The following SDK1 variants were observed in gnomAD, a reference collection of about 807,000 sequenced individuals.
SDK1 encodes sidekick cell adhesion molecule 1.
A neutral mutation model predicts 245.5 loss-of-function variants in SDK1; 157 were observed. The observed-to-expected ratio is 0.64, with a 90% CI of 0.56 to 0.73. The LOEUF (loss-of-function observed/expected upper bound fraction) is 0.73, where lower values mean the gene tolerates loss of function less well. Ranked by LOEUF, SDK1 falls within the 30% of genes least tolerant of loss-of-function variation. The pLI is 0.00. For synonymous variants in SDK1, 1,647 were observed against 1,278.5 expected, an observed-to-expected ratio of 1.29 and a Z score of -6.15; for missense variants, 3,583 against 3,002.3, an observed-to-expected ratio of 1.19 and a Z score of -4.52.
At chr7:4,084,745 G>A (rs924672116) in intron 22 of SDK1, among the ~76,000 whole-genome samples, 3 of 144,852 alleles carry the variant, frequency 2.1e-5, no homozygotes, top group Non-Finnish European at 4.6e-5. Flanking sequence ...TTACTTAAAT[G>A]TATATTTTAT....
intron 35 of SDK1, among the ~76,000 whole-genome samples, chr7:4,195,243 A>G (rs756155606): frequency 2.6e-5 from 4 of 152,204 alleles, no homozygotes; most frequent in Admixed American, 1.3e-4. Context: ...AGCAACTCTG[A>G]AATGGTGCAC....
Position 3,394,891 on chromosome 7 carries a change from A to G in SDK1, c.298+93007A>G, listed in dbSNP as rs185548265. 4.6e-5 allele frequency among the ~76,000 whole-genome samples: 7 copies of G among 152,108 alleles called. No individual in the cohort carries two copies. The East Asian group carries it at 1.4e-3, about 29-fold the overall frequency. On this transcript the variant is annotated intron_variant, in intron 1 of 44. Transcript: ENST00000404826. ...GATGTGCTTTTTAAAAATTAGTTCT[A>G]ATAGTTTTTTTGTGGACTCTTTGGG...
chr7:3,649,227 G>T (rs1157884625), intron 4 of SDK1, among the ~76,000 whole-genome samples: 1 of 152,158 alleles, frequency 6.6e-6, no homozygotes, highest in African/African-American at 2.4e-5. Flanking sequence ...GCTGGAGGGG[G>T]TTGAATTGAG....
intron 5 of SDK1, among the ~76,000 whole-genome samples, chr7:3,866,129 C>T (rs1780815763): frequency 6.6e-6 from 1 of 152,152 alleles, no homozygotes; most frequent in Non-Finnish European, 1.5e-5. Context: ...GCATAAAGTC[C>T]TTTCAGTTCT....
At chr7:3,880,344 A>T (rs1222511441) in intron 5 of SDK1, among the ~76,000 whole-genome samples, 1 of 152,190 alleles carries the variant, frequency 6.6e-6, no homozygotes, top group Non-Finnish European at 1.5e-5. Context: ...CAGCAGGTCA[A>T]CAGGTGAGAA....
At chr7:4,099,906 G>A (rs73671542) in intron 22 of SDK1, among the ~76,000 whole-genome samples, 1,541 of 152,158 alleles carry the variant, frequency 0.01, 25 homozygotes, top group African/African-American at 0.036. Flanking sequence ...CGGAGTGTCC[G>A]GGGCTGACCT....
intron 1 of SDK1, among the ~76,000 whole-genome samples, chr7:3,555,117 T>C (rs965119463): frequency 1.3e-5 from 2 of 152,086 alleles, no homozygotes; most frequent in Admixed American, 1.3e-4. Context: ...AAGCCAAGAA[T>C]AGACAAATTT....
chr7:3,514,015 T>C (rs1782658053), intron 1 of SDK1, among the ~76,000 whole-genome samples: 1 of 152,210 alleles, frequency 6.6e-6, no homozygotes, highest in Non-Finnish European at 1.5e-5. Context: ...TACCATGTTC[T>C]CTTTATTCAG....
Position 4,139,453 on chromosome 7 carries a change from G to A in SDK1, c.4229-6269G>A, listed in dbSNP as rs1487520402. Reference sequence around the variant, plus strand: ...TGTATATATGTGTGTGTATATGTGTGTGTATATGTATATATGTGTGTGTAT... The same window carrying A: ...TGTATATATGTGTGTGTATATGTGTATGTATATGTATATATGTGTGTGTAT... On this transcript the variant is annotated intron_variant, in intron 28 of 44. Transcript: ENST00000404826. 2.7e-5 allele frequency among the ~76,000 whole-genome samples: 4 copies of A among 150,802 alleles called. 1 individual carries two copies. Among genetic ancestry groups the A allele is most frequent in the Non-Finnish European group, 5.9e-5 (4 of 67,550 alleles).
chr7:3,783,626 A>T (rs966420796), intron 4 of SDK1, among the ~76,000 whole-genome samples: 2 of 152,208 alleles, frequency 1.3e-5, no homozygotes, highest in Non-Finnish European at 2.9e-5. Context: ...AACAGCTACG[A>T]AAATTACTTA....
chr7:3,665,224 C>T (rs542116976), intron 4 of SDK1, among the ~76,000 whole-genome samples: 10 of 152,316 alleles, frequency 6.6e-5, no homozygotes, highest in Non-Finnish European at 1.3e-4. Flanking sequence ...ACCCTGTGCA[C>T]GCAGAGCAGT....
intron 2 of SDK1, among the ~76,000 whole-genome samples, chr7:3,625,782 T>A (rs1030972737): frequency 2.0e-5 from 3 of 151,398 alleles, no homozygotes; most frequent in East Asian, 3.9e-4. Flanking sequence ...TGCCAGAGAA[T>A]CCCCAGGACA....
At chr7:3,585,619 G>C (rs1382346638) in intron 1 of SDK1, among the ~76,000 whole-genome samples, 1 of 152,152 alleles carries the variant, frequency 6.6e-6, no homozygotes, top group African/African-American at 2.4e-5. Flanking sequence ...GGATTCCTGA[G>C]GTACATGGTC....
chr7:4,245,192 A>T (rs937029677), intron 43 of SDK1, among the ~76,000 whole-genome samples: 15 of 152,016 alleles, frequency 9.9e-5, no homozygotes, highest in African/African-American at 3.4e-4. Context: ...ATGCTCCCCC[A>T]CCAGACAGGG....
Position 4,070,734 on chromosome 7 carries a change from G to A in SDK1, c.3010+2798G>A, listed in dbSNP as rs1320920784. 2.0e-5 allele frequency among the ~76,000 whole-genome samples: 3 copies of A among 150,468 alleles called. No homozygotes were observed. The East Asian group carries it at 5.8e-4, about 29-fold the overall frequency. ...AATTTTTTTTTTTTTTTTTGAGATG[G>A]AGTCTCACTCTGCAGCCCAGGATGG... On this transcript the variant is annotated intron_variant, in intron 20 of 44. Transcript: ENST00000404826.
In SDK1 at chr7:3,781,799, A is replaced by C. The variant is rs115270152; in HGVS notation, c.714-39651A>C. Among the ~76,000 whole-genome samples the C allele has an allele frequency of 5.5e-3, 839 of 152,344 alleles. 8 individuals are homozygous for C. The highest frequency in any genetic ancestry group is 0.019 in the African/African-American group (806 of 41,590). ...GAAAAATTCAATAGAAAGCTTCAGC[A>C]GAAGACACTGTCGAGCAGAAGAAAG... On this transcript the variant is annotated intron_variant, in intron 4 of 44. Coordinates refer to ENST00000404826, the MANE Select transcript of SDK1 (RefSeq NM_152744.4).
In SDK1 at chr7:4,266,389, C is replaced by T; in HGVS notation, c.*1005C>T. 1.0e-6 allele frequency: 1 copy of T among 985,316 alleles called. No individual in the cohort carries two copies. Among genetic ancestry groups the T allele is most frequent in the Non-Finnish European group, 1.2e-6 (1 of 829,932 alleles). 61.0% of individuals were successfully genotyped at this position (985,316 alleles called of 1,614,324 possible). A position where few individuals can be genotyped will look rare whatever the true frequency, so the allele number is the denominator to read the frequency against. On this transcript the variant is annotated 3_prime_UTR_variant, in exon 45 of 45. Transcript: ENST00000404826. ...AAAGCAACAGTGTCTGCAAATAAAG[C>T]AAAACAGCTCTGAGAACACACGCTC...
chr7:4,130,379 C>T, intron 27 of SDK1: 1 of 442,404 alleles, frequency 2.3e-6, no homozygotes, highest in Non-Finnish European at 4.0e-6. Context: ...TGGGGCGGGG[C>T]CGAGCTGTGG....
chr7:3,527,354 G>A (rs1783174392), intron 1 of SDK1, among the ~76,000 whole-genome samples: 1 of 152,182 alleles, frequency 6.6e-6, no homozygotes, highest in South Asian at 2.1e-4. Flanking sequence ...GAAGCGCGAT[G>A]TGAACGTGGA....
Sources: allele counts gnomAD v4.1 joint callset (sites outside exome capture counted in the v4.1 genomes callset), GRCh38; gene constraint gnomAD v4.1.1; transcripts MANE v1.5; gene names NCBI Gene and HGNC (gene_info 2026-07-23, HGNC 2026-07-21).